The following SYT1 variants were observed in gnomAD, a reference collection of about 807,000 sequenced individuals.
SYT1 encodes the protein synaptotagmin-1.
Under a neutral mutation model 44.8 loss-of-function variants are expected in SYT1, and 8 were observed. That is an observed-to-expected ratio of 0.18 (90% CI 0.10 to 0.32). The LOEUF is 0.32. Among genes scored for constraint, SYT1 ranks in the 10% least tolerant of loss-of-function variants. SYT1 has a pLI of 1.00. For synonymous variants in SYT1, 154 were observed against 188.8 expected (o/e 0.82, Z 1.51); for missense variants, 286 against 509.3 (o/e 0.56, Z 4.22).
At chr12:78,905,904 T>C (rs1852935941) in intron 1 of SYT1, among the ~76,000 whole-genome samples, 1 of 152,070 alleles carries the variant, frequency 6.6e-6, no homozygotes, top group African/African-American at 2.4e-5. Context: ...AAGGAAGTTT[T>C]TTCCCCCAAA....
intron 4 of SYT1, among the ~76,000 whole-genome samples, chr12:79,259,838 A>G (rs1484136399): frequency 6.6e-6 from 1 of 152,192 alleles, no homozygotes; most frequent in East Asian, 1.9e-4. Context: ...TAAAATACCT[A>G]TTATTTTTTC....
At chr12:78,934,556 C>T (rs1032682098) in intron 1 of SYT1, among the ~76,000 whole-genome samples, 6 of 151,712 alleles carry the variant, frequency 4.0e-5, no homozygotes, top group Non-Finnish European at 7.4e-5. Context: ...ACAAATAAAA[C>T]GAAATAACAA....
intron 9 of SYT1, chr12:79,392,853 G>C (rs1285921949): frequency 7.3e-6 from 1 of 136,244 alleles, no homozygotes; most frequent in Non-Finnish European, 1.5e-5. Flanking sequence ...TGTGCACAAC[G>C]TGCAGTTTTG....
intron 8 of SYT1, among the ~76,000 whole-genome samples, chr12:79,351,326 G>A (rs1477545092): frequency 2.0e-5 from 3 of 152,090 alleles, no homozygotes; most frequent in Admixed American, 1.3e-4. Flanking sequence ...AAAGGTATTG[G>A]AAGAAGACAT....
intron 3 of SYT1, among the ~76,000 whole-genome samples, chr12:79,106,709 A>G (rs1878738899): frequency 2.6e-5 from 4 of 151,484 alleles, no homozygotes; most frequent in Admixed American, 2.0e-4. Flanking sequence ...TACTTTCCAT[A>G]TGAAAAAAAA....
intron 8 of SYT1, among the ~76,000 whole-genome samples, chr12:79,330,487 C>T (rs1469690057): frequency 2.0e-5 from 3 of 152,158 alleles, no homozygotes; most frequent in Non-Finnish European, 4.4e-5. Flanking sequence ...GATGTCTGTG[C>T]TTAACAGACC....
At position 79,053,504 on chromosome 12, in the gene SYT1, CAAT is replaced by C. The variant is rs1364545103; in HGVS notation, c.-18+6151_-18+6153del. Among the ~76,000 whole-genome samples the C allele has an allele frequency of 2.7e-5, 4 of 149,996 alleles. No homozygotes were observed. The East Asian group carries it at 5.8e-4, about 22-fold the overall frequency. ...CACACGCACCCCAAAACTTAAAGTA[CAAT>C]AATAATAAAATTTAAAAAAATTCTT... On this transcript the variant is annotated intron_variant, in intron 3 of 10. Coordinates refer to ENST00000261205, the MANE Select transcript of SYT1 (RefSeq NM_005639.3).
chr12:79,013,087 A>G (rs539568121), intron 2 of SYT1, among the ~76,000 whole-genome samples: 1 of 152,184 alleles, frequency 6.6e-6, no homozygotes, highest in East Asian at 1.9e-4. Context: ...TTACCAAAGA[A>G]GCCTACCTTG....
At chr12:78,920,542 G>A (rs1876924153) in intron 1 of SYT1, among the ~76,000 whole-genome samples, 1 of 143,154 alleles carries the variant, frequency 7.0e-6, no homozygotes, top group Non-Finnish European at 1.5e-5. Context: ...TACCCACTTA[G>A]GTGCATGCAT....
chr12:79,107,917 G>A (rs1878806403), intron 3 of SYT1, among the ~76,000 whole-genome samples: 2 of 151,842 alleles, frequency 1.3e-5, no homozygotes. Flanking sequence ...AATAAACAGA[G>A]AGATGTACTA....
intron 1 of SYT1, among the ~76,000 whole-genome samples, chr12:78,947,353 C>T (rs996787429): frequency 1.3e-5 from 2 of 152,046 alleles, no homozygotes; most frequent in African/African-American, 2.4e-5. Context: ...CATGTTTAGG[C>T]TAGATTATGT....
At chr12:78,980,343 G>C (rs749965288) in intron 2 of SYT1, among the ~76,000 whole-genome samples, 31 of 152,158 alleles carry the variant, frequency 2.0e-4, no homozygotes, top group Non-Finnish European at 3.7e-4. Flanking sequence ...CGACTCCATG[G>C]AGACAAGGTC....
rs375690617 is a variant in SYT1 at position 79,353,618 on chromosome 12, C to T, written c.927C>T (p.Ser309=). The change falls in exon 9 of 11, where the codon TCC becomes TCT. Residue 309 remains serine, a splice_region_variant and synonymous_variant. Transcript: ENST00000261205. ...AGAAGATGGATGTGGGTGGCTTATC[C>T]GGTAAGCCTGCAGTGTTTATTGATT... The part of the protein sequence containing the change: ...NLKKMDVGGL[S]DPYVKIHLMQ... 43 of 1,606,956 alleles carry T rather than the reference C, an allele frequency of 2.7e-5. 1 individual carries two copies. The African/African-American group carries it at 3.3e-4, about 13-fold the overall frequency.
At chr12:79,127,031 A>T (rs563275425) in intron 3 of SYT1, among the ~76,000 whole-genome samples, 1 of 152,326 alleles carries the variant, frequency 6.6e-6, no homozygotes, top group Admixed American at 6.5e-5. Flanking sequence ...ATCTCTCAGC[A>T]TCTAGTCTAT....
intron 3 of SYT1, among the ~76,000 whole-genome samples, chr12:79,173,854 C>T (rs965041012): frequency 6.6e-6 from 1 of 152,000 alleles, no homozygotes; most frequent in African/African-American, 2.4e-5. Context: ...ATAAGGCAGA[C>T]ATCATAAAGT....
chr12:79,041,858 C>T (rs1469756123), intron 2 of SYT1, among the ~76,000 whole-genome samples: 2 of 152,032 alleles, frequency 1.3e-5, no homozygotes, highest in African/African-American at 2.4e-5. Context: ...TTGTCAAAGG[C>T]TTTTTCTGCA....
intron 3 of SYT1, among the ~76,000 whole-genome samples, chr12:79,113,681 C>A (rs1879133328): frequency 6.6e-6 from 1 of 152,026 alleles, no homozygotes; most frequent in South Asian, 2.1e-4. Flanking sequence ...TCCATGCTGA[C>A]TTTAGGAAAT....
At chr12:79,341,228 A>G (rs777784324) in intron 8 of SYT1, 45 of 152,194 alleles carry the variant, frequency 3.0e-4, no homozygotes, top group Non-Finnish European at 6.0e-4. Flanking sequence ...ATTTATTATT[A>G]GTATTAATTA....
At chr12:78,906,519 G>A (rs1875988303) in intron 1 of SYT1, among the ~76,000 whole-genome samples, 1 of 152,044 alleles carries the variant, frequency 6.6e-6, no homozygotes, top group Admixed American at 6.6e-5. Context: ...AAATTCTATA[G>A]AGAAAAGAAA....
Sources: allele counts gnomAD v4.1 joint callset (sites outside exome capture counted in the v4.1 genomes callset), GRCh38; gene constraint gnomAD v4.1.1; transcripts MANE v1.5; gene names NCBI Gene and HGNC (gene_info 2026-07-23, HGNC 2026-07-21).